MYO3A: variants seen among roughly 807,000 people sequenced by gnomAD.
MYO3A encodes myosin IIIA.
Under a neutral mutation model 192.7 loss-of-function variants are expected in MYO3A, and 180 were observed. The ratio of observed to expected loss-of-function variants is 0.93; its 90% CI spans 0.83 to 1.06. The LOEUF (loss-of-function observed/expected upper bound fraction) is 1.06, where lower values mean the gene tolerates loss of function less well. Ranked by LOEUF, MYO3A falls within the 50% of genes least tolerant of loss-of-function variation. The probability of loss-of-function intolerance (pLI) is 0.00; values close to 1 mark genes in which losing one functional copy is unlikely to be tolerated. For synonymous variants in MYO3A, 628 were observed against 645.3 expected, an observed-to-expected ratio of 0.97 and a Z score of 0.41; for missense variants, 1,896 against 1,905.0, an observed-to-expected ratio of 1.00 and a Z score of 0.09.
Position 26,174,144 on chromosome 10 carries a change from A to G in MYO3A, c.3880A>G (p.Ile1294Val), listed in dbSNP as rs56261037. ...TLEPTLSQRS[I>V]YQNANSMEKE... ...GGAACCTACACTTAGCCAAAGGTCA[A>G]TTTATCAAAATGCAAACAGCATGGA... is the stretch of plus-strand genomic sequence containing the variant. The change falls in exon 30 of 35, where the codon ATT (isoleucine) becomes GTT (valine). Residue 1294 changes from isoleucine to valine, a missense_variant. By Grantham distance (29) the Ile-to-Val change is conservative (BLOSUM62 3). Transcript: ENST00000642920. The G allele has an allele frequency of 3.4e-4, 550 of 1,614,238 alleles. 2 individuals are homozygous for G. The highest frequency in any genetic ancestry group is 3.7e-4 in the Non-Finnish European group (435 of 1,180,048).
chr10:26,115,070 C>T (rs1232645932), intron 17 of MYO3A, among the ~76,000 whole-genome samples: 3 of 152,142 alleles, frequency 2.0e-5, no homozygotes, highest in East Asian at 3.8e-4. Flanking sequence ...GACAGGCAGT[C>T]AAGCACAAGA....
chr10:26,205,309 T>C (rs1413545610), intron 34 of MYO3A, among the ~76,000 whole-genome samples: 1 of 152,162 alleles, frequency 6.6e-6, no homozygotes. Flanking sequence ...ACAATACATT[T>C]CTATTAACTA....
intron 20 of MYO3A, among the ~76,000 whole-genome samples, chr10:26,131,182 A>G (rs1270037488): frequency 3.3e-5 from 5 of 152,264 alleles, no homozygotes; most frequent in Admixed American, 6.5e-5. Flanking sequence ...ACACTGGAAC[A>G]TAAATAACAG....
At chr10:26,027,623 G>A (rs1009124399) in intron 10 of MYO3A, among the ~76,000 whole-genome samples, 1 of 152,182 alleles carries the variant, frequency 6.6e-6, no homozygotes, top group African/African-American at 2.4e-5. Context: ...AGGATTGCAG[G>A]CATGAGCCAC....
chr10:25,944,519 T>A (rs1195445448), intron 2 of MYO3A, among the ~76,000 whole-genome samples: 1 of 152,078 alleles, frequency 6.6e-6, no homozygotes, highest in Non-Finnish European at 1.5e-5. Flanking sequence ...AGTGAAGTGA[T>A]CTGGTCCTGA....
chr10:25,993,215 A>G (rs149993293), intron 4 of MYO3A, among the ~76,000 whole-genome samples: 5,377 of 152,064 alleles, frequency 0.035, 310 homozygotes, highest in African/African-American at 0.12. Context: ...CAGAGATTCA[A>G]CTTCTTCCTG....
intron 22 of MYO3A, among the ~76,000 whole-genome samples, 192 bp downstream of exon 22, chr10:26,145,726 T>A (rs1383301625): frequency 2.0e-5 from 3 of 152,156 alleles, no homozygotes; most frequent in Non-Finnish European, 4.4e-5. Flanking sequence ...AGCCACTCAC[T>A]ATGGAGGCCA....
intron 4 of MYO3A, among the ~76,000 whole-genome samples, chr10:25,989,531 A>G (rs965474950): frequency 2.0e-5 from 3 of 152,136 alleles, no homozygotes; most frequent in Admixed American, 6.5e-5. Context: ...AAAAACACCA[A>G]ATATAAATGT....
intron 4 of MYO3A, among the ~76,000 whole-genome samples, chr10:25,994,709 T>C (rs1173220879): frequency 1.3e-5 from 2 of 152,224 alleles, no homozygotes; most frequent in African/African-American, 4.8e-5. Context: ...GGCCTGGTGG[T>C]GACAAAATCT....
At chr10:26,177,125 A>G (rs977879063) in intron 31 of MYO3A, among the ~76,000 whole-genome samples, 4 of 151,992 alleles carry the variant, frequency 2.6e-5, no homozygotes, top group African/African-American at 4.8e-5. Context: ...AGGGGTTGGT[A>G]TAGAGAGGGG....
intron 10 of MYO3A, among the ~76,000 whole-genome samples, chr10:26,029,870 G>A (rs1842728470): frequency 6.6e-6 from 1 of 151,938 alleles, no homozygotes; most frequent in African/African-American, 2.4e-5. Flanking sequence ...TGAGTGGGAG[G>A]TTTTTTATTT....
chr10:26,118,200 A>G (rs1393748804), intron 17 of MYO3A, among the ~76,000 whole-genome samples: 5 of 150,638 alleles, frequency 3.3e-5, no homozygotes, highest in African/African-American at 1.2e-4. Flanking sequence ...TTTTTTTCCT[A>G]AGGCCTATAG....
intron 19 of MYO3A, among the ~76,000 whole-genome samples, chr10:26,128,013 C>T (rs866042541): frequency 3.9e-5 from 6 of 152,114 alleles, no homozygotes; most frequent in South Asian, 2.1e-4. Context: ...TTTTTGCTTT[C>T]CTGGGAGAGT....
chr10:26,081,133 T>TCCCACCCC (rs1835904506), intron 14 of MYO3A, among the ~76,000 whole-genome samples: 1 of 84,940 alleles, frequency 1.2e-5, no homozygotes, highest in Non-Finnish European at 2.5e-5. Context: ...TATATGCCCT[T>TCCCACCCC]CCCCCCCCCC....
At chr10:26,103,787 C>A (rs1404867498) in intron 17 of MYO3A, among the ~76,000 whole-genome samples, 1 of 152,182 alleles carries the variant, frequency 6.6e-6, no homozygotes, top group Non-Finnish European at 1.5e-5. Flanking sequence ...AAAATCACTG[C>A]ACCATTTTAC....
chr10:26,162,290 T>G (rs1251620496), intron 26 of MYO3A, among the ~76,000 whole-genome samples: 2 of 152,228 alleles, frequency 1.3e-5, no homozygotes, highest in Admixed American at 6.5e-5. Context: ...GAAATTCTGA[T>G]AAAGCAGAGA....
intron 34 of MYO3A, among the ~76,000 whole-genome samples, chr10:26,208,414 C>T (rs543603957): frequency 1.3e-5 from 2 of 152,174 alleles, no homozygotes; most frequent in South Asian, 4.2e-4. Flanking sequence ...CCCTATAGAC[C>T]TGGGTTTGAA....
intron 17 of MYO3A, among the ~76,000 whole-genome samples, chr10:26,098,649 C>T (rs757697287): frequency 1.8e-4 from 27 of 152,192 alleles, no homozygotes; most frequent in Admixed American, 7.9e-4. Flanking sequence ...ATTTTCCCAG[C>T]ACCATTTATT....
intron 10 of MYO3A, among the ~76,000 whole-genome samples, chr10:26,030,413 C>G (rs1357724828): frequency 6.6e-6 from 1 of 152,106 alleles, no homozygotes; most frequent in African/African-American, 2.4e-5. Context: ...TTACCCACAA[C>G]ACTCTCTTGA....
Sources: gnomAD v4.1 joint callset for allele counts (sites outside exome capture counted in the v4.1 genomes callset) on GRCh38, gnomAD v4.1.1 for gene constraint, MANE v1.5 for transcripts, NCBI Gene and HGNC (gene_info 2026-07-23, HGNC 2026-07-21) for gene names.